The following POLR1G variants were observed in gnomAD, a reference collection of about 807,000 sequenced individuals.
POLR1G encodes the protein RNA polymerase I subunit G.
POLR1G carries 9 observed loss-of-function variants against 6.3 expected under a neutral mutation model. That is an observed-to-expected ratio of 1.44 (90% CI 0.87 to 2.51). The LOEUF (loss-of-function observed/expected upper bound fraction) is 2.51, where lower values mean the gene tolerates loss of function less well. Ranked by LOEUF, POLR1G falls within the 30% of genes most tolerant of loss-of-function variation. The pLI, the probability that POLR1G is intolerant of heterozygous loss-of-function variation, is 0.00. For synonymous variants in POLR1G, 248 were observed against 256.5 expected, an observed-to-expected ratio of 0.97 and a Z score of 0.32; for missense variants, 617 against 632.5, an observed-to-expected ratio of 0.98 and a Z score of 0.26.
chr19:45,409,108 G>C lies in POLR1G; in HGVS notation c.1140G>C (p.Leu380=). The C allele has an allele frequency of 6.2e-7, 1 of 1,613,170 alleles. No individual in the cohort carries two copies. Among genetic ancestry groups the C allele is most frequent in the Middle Eastern group, 1.7e-4 (1 of 6,056 alleles). ...CGAAGCCTCAGGCCCAGGCAGCTCT[G>C]GCAGCTCCCAAAAAGAAGACGAAGA... The part of the protein sequence containing the change: ...EGAKPQAQAA[L]AAPKKKTKKE... The change falls in exon 3 of 3, where the codon CTG becomes CTC. Residue 380 remains leucine, a synonymous_variant. Transcript: ENST00000309424.
At position 45,410,565 on chromosome 19, in the gene POLR1G, T is replaced by TGTGTGTGTGTGTGTGTGTGTG. The variant is rs1973661594; in HGVS notation, c.*1064_*1065insGTGTGTGTGTGTGTGTGTGTG. ...ATAGTATGTCTTATTCATTCTTTCT[T>TGTGTGTGTGTGTGTGTGTGTG]TGTGTGTGTGTGTGTGTGTGTGTGT... On this transcript the variant is annotated 3_prime_UTR_variant, in exon 3 of 3. Coordinates refer to ENST00000309424, the MANE Select transcript of POLR1G (RefSeq NM_012099.3). 10 of 140,722 alleles carry TGTGTGTGTGTGTGTGTGTGTG rather than the reference T, an allele frequency of 7.1e-5. No homozygotes were observed. Among genetic ancestry groups the TGTGTGTGTGTGTGTGTGTGTG allele is most frequent in the African/African-American group, 2.5e-4 (9 of 36,578 alleles). 8.7% of individuals were successfully genotyped at this position (140,722 alleles called of 1,614,324 possible).
rs367657846 is a variant in POLR1G at position 45,407,118 on chromosome 19, C to G, written c.47C>G (p.Pro16Arg). 2.5e-6 allele frequency: 4 copies of G among 1,603,446 alleles called. No homozygotes were observed. The highest frequency in any genetic ancestry group is 3.4e-6 in the Non-Finnish European group (4 of 1,177,422). ...AGDAARFSCPPNFTAKPPASE... is the reference protein window; with the variant it reads ...AGDAARFSCPRNFTAKPPASE... ...GATGCTGCTCGGTTCTCTTGTCCCC[C>G]CAACTTTACCGCGAAGCCCCCAGCC... The change falls in exon 2 of 3, where the codon CCC (proline) becomes CGC (arginine). Residue 16 changes from proline to arginine, a missense_variant. Physicochemically the swap from Pro to Arg is moderately radical, Grantham distance 103. Coordinates refer to ENST00000309424, the MANE Select transcript of POLR1G (RefSeq NM_012099.3).
rs1973541585 is a variant in POLR1G at position 45,409,308 on chromosome 19, G to A, written c.1340G>A (p.Gly447Glu). Reference sequence around the variant, plus strand: ...CAGCCACTAGAGCCTGAACTGCCAGGGGAGGGACAGCCTGAAGCCAGGGCA... The same window carrying A: ...CAGCCACTAGAGCCTGAACTGCCAGAGGAGGGACAGCCTGAAGCCAGGGCA... Reference protein sequence around the residue: ...PIQPLEPELPGEGQPEARATP... With the variant: ...PIQPLEPELPEEGQPEARATP... The change falls in exon 3 of 3, where the codon GGG becomes GAG. Residue 447 changes from glycine (G) to glutamate (E), a missense_variant. Coordinates refer to ENST00000309424, the MANE Select transcript of POLR1G (RefSeq NM_012099.3). The A allele has an allele frequency of 1.9e-6, 3 of 1,613,936 alleles. No individual in the cohort carries two copies. Among genetic ancestry groups the A allele is most frequent in the African/African-American group, 1.3e-5 (1 of 74,902 alleles).
rs200386912 is a variant in POLR1G, at chr19:45,409,892, A to ATTTTT, written c.*393_*394insTTTTT. ...ATCTTTTTAAGTTATTATTATTATT[A>ATTTTT]TTATTTTTTTTTTTTTTGAGATGGA... On this transcript the variant is annotated 3_prime_UTR_variant, in exon 3 of 3. Transcript: ENST00000309424. 4.9e-4 allele frequency: 101 copies of ATTTTT among 206,368 alleles called. 1 individual carries two copies. The highest frequency in any genetic ancestry group is 6.1e-4 in the Non-Finnish European group (76 of 123,852). 12.8% of individuals were successfully genotyped at this position (206,368 alleles called of 1,614,324 possible).
In POLR1G at chr19:45,409,506, C is replaced by T. The variant is rs2123436779; in HGVS notation, c.*5C>T. 6.3e-7 allele frequency: 1 copy of T among 1,599,870 alleles called. No homozygotes were observed. Among genetic ancestry groups the T allele is most frequent in the Non-Finnish European group, 8.5e-7 (1 of 1,174,054 alleles). On this transcript the variant is annotated 3_prime_UTR_variant, in exon 3 of 3. Coordinates refer to ENST00000309424, the MANE Select transcript of POLR1G (RefSeq NM_012099.3). Reference sequence around the variant, plus strand: ...CAGCAGCAGCAGCCTGTGTAGTCTGCCCCCGGGAAACTGAGGAACTAAAGA... The same window carrying T: ...CAGCAGCAGCAGCCTGTGTAGTCTGTCCCCGGGAAACTGAGGAACTAAAGA...
Position 45,409,503 on chromosome 19 carries a change from C to CT in POLR1G, c.*3dup. ...CAGCAGCAGCAGCAGCCTGTGTAGT[C>CT]TGCCCCCGGGAAACTGAGGAACTAA... is the stretch of plus-strand genomic sequence containing the variant. On this transcript the variant is annotated 3_prime_UTR_variant, in exon 3 of 3. Coordinates refer to ENST00000309424, the MANE Select transcript of POLR1G (RefSeq NM_012099.3). 1 of 1,602,616 alleles carries CT rather than the reference C, an allele frequency of 6.2e-7. No homozygotes were observed. The highest frequency in any genetic ancestry group is 8.5e-7 in the Non-Finnish European group (1 of 1,175,314).
rs955496226 is a variant in POLR1G, at chr19:45,410,502, CATTATT to C, written c.*1005_*1010del. 1.3e-5 allele frequency: 2 copies of C among 151,260 alleles called. No individual in the cohort carries two copies. Among genetic ancestry groups the C allele is most frequent in the Non-Finnish European group, 2.9e-5 (2 of 67,950 alleles). The allele number at this position is 151,260 out of a possible 1,614,324, so 9.4% of individuals were successfully genotyped here. Reference sequence around the variant, plus strand: ...CCTGCCAAGTTATTTTAAAATGTACCATTATTATTGACTATAGTCACCTGGTTGTGT... The same window carrying C: ...CCTGCCAAGTTATTTTAAAATGTACCATTGACTATAGTCACCTGGTTGTGT... On this transcript the variant is annotated 3_prime_UTR_variant, in exon 3 of 3. Coordinates refer to ENST00000309424, the MANE Select transcript of POLR1G (RefSeq NM_012099.3).
In POLR1G at chr19:45,410,605, T is replaced by C. The variant is rs1973674159; in HGVS notation, c.*1104T>C. ...TGTGTGTGTGTGTGTGTGGTACCCA[T>C]TAACCTTCCCCATCTCCCTGCCAGC... On this transcript the variant is annotated 3_prime_UTR_variant, in exon 3 of 3. Coordinates refer to ENST00000309424, the MANE Select transcript of POLR1G (RefSeq NM_012099.3). 1.3e-5 allele frequency: 1 copy of C among 78,304 alleles called. No individual in the cohort carries two copies. Among genetic ancestry groups the C allele is most frequent in the Non-Finnish European group, 2.4e-5 (1 of 42,310 alleles). 4.9% of individuals were successfully genotyped at this position (78,304 alleles called of 1,614,324 possible).
chr19:45,409,457 G>A lies in POLR1G; in HGVS notation c.1489G>A (p.Gly497Ser), dbSNP rs1568572013. 1 of 1,612,882 alleles carries A rather than the reference G, an allele frequency of 6.2e-7. No homozygotes were observed. The highest frequency in any genetic ancestry group is 2.2e-5 in the East Asian group (1 of 44,874). Reference sequence around the variant, plus strand: ...AGAGTCTGGGGAGGAGGCTCCCACAGGCCGGGACAAGAAGCGGAAGCAGCA... The same window carrying A: ...AGAGTCTGGGGAGGAGGCTCCCACAAGCCGGGACAAGAAGCGGAAGCAGCA... The part of the protein sequence containing the change: ...NSESGEEAPT[G>S]RDKKRKQQQQ... Residue 497 changes from glycine (G) to serine (S), a missense_variant, in exon 3 of 3, where the codon GGC becomes AGC. Gly to Ser is a moderately conservative substitution (Grantham distance 56). Coordinates refer to ENST00000309424, the MANE Select transcript of POLR1G (RefSeq NM_012099.3).
chr19:45,408,964 A>G lies in POLR1G; in HGVS notation c.996A>G (p.Lys332=), dbSNP rs1202246031. 6.2e-7 allele frequency: 1 copy of G among 1,613,936 alleles called. No individual in the cohort carries two copies. The change falls in exon 3 of 3, where the codon AAA becomes AAG. Residue 332 remains lysine (K), a synonymous_variant. Transcript: ENST00000309424. ...IPLPPTKKRK[K]EKGQMAMMEP... ...TGCCCCCTACGAAGAAGAGGAAAAAAGAAAAGGGACAGATGGCAATGATGG... is the reference window on the plus strand; with the variant it reads ...TGCCCCCTACGAAGAAGAGGAAAAAGGAAAAGGGACAGATGGCAATGATGG...
Position 45,409,511 on chromosome 19 carries a change from G to A in POLR1G, c.*10G>A, listed in dbSNP as rs1056830405. ...GCAGCAGCCTGTGTAGTCTGCCCCCGGGAAACTGAGGAACTAAAGAAAGCT... is the reference window on the plus strand; with the variant it reads ...GCAGCAGCCTGTGTAGTCTGCCCCCAGGAAACTGAGGAACTAAAGAAAGCT... On this transcript the variant is annotated 3_prime_UTR_variant, in exon 3 of 3. Transcript: ENST00000309424. The A allele has an allele frequency of 1.0e-5, 16 of 1,594,896 alleles. No individual in the cohort carries two copies. Among genetic ancestry groups the A allele is most frequent in the Admixed American group, 5.4e-5 (3 of 55,974 alleles).
chr19:45,409,686 T>G lies in POLR1G; in HGVS notation c.*185T>G. 9.3e-7 allele frequency: 1 copy of G among 1,070,568 alleles called. No individual in the cohort carries two copies. Among genetic ancestry groups the G allele is most frequent in the Non-Finnish European group, 1.5e-6 (1 of 683,998 alleles). The allele number at this position is 1,070,568 out of a possible 1,614,324, so 66.3% of individuals were successfully genotyped here. A position where few individuals can be genotyped will look rare whatever the true frequency, so the allele number is the denominator to read the frequency against. ...GGCAGCTGGGGTCATCAGGGTACTTTCAAGAAGGGCTCGTGCAGGACATCA... is the reference window on the plus strand; with the variant it reads ...GGCAGCTGGGGTCATCAGGGTACTTGCAAGAAGGGCTCGTGCAGGACATCA... On this transcript the variant is annotated 3_prime_UTR_variant, in exon 3 of 3. Transcript: ENST00000309424.
Position 45,409,752 on chromosome 19 carries a change from G to A in POLR1G, c.*251G>A. 1 of 780,766 alleles carries A rather than the reference G, an allele frequency of 1.3e-6. No individual in the cohort carries two copies. Among genetic ancestry groups the A allele is most frequent in the Non-Finnish European group, 2.4e-6 (1 of 423,144 alleles). The allele number at this position is 780,766 out of a possible 1,614,324, so 48.4% of individuals were successfully genotyped here. On this transcript the variant is annotated 3_prime_UTR_variant, in exon 3 of 3. Transcript: ENST00000309424. ...TGGATGGGAGGGAGAAAAAAATGAG[G>A]AACCAGTCATTAAAGGAGCTGTTTC...
At chr19:45,407,461 G>C in intron 2 of POLR1G, 1 of 518,536 alleles carries the variant, frequency 1.9e-6, no homozygotes, top group South Asian at 2.6e-5. Context: ...AGGAACTATA[G>C]TTAAACTTGG....
In POLR1G at chr19:45,409,599, C is replaced by T. The variant is rs2123437934; in HGVS notation, c.*98C>T. 6.3e-7 allele frequency: 1 copy of T among 1,576,934 alleles called. No individual in the cohort carries two copies. The highest frequency in any genetic ancestry group is 1.1e-5 in the South Asian group (1 of 87,398). On this transcript the variant is annotated 3_prime_UTR_variant, in exon 3 of 3. Coordinates refer to ENST00000309424, the MANE Select transcript of POLR1G (RefSeq NM_012099.3). ...CAGAATCCCTCCCCAGAGACTGCAC[C>T]AGCGCAGCCAGCAGGAGCCTGGCCT...
chr19:45,409,562 AG>A lies in POLR1G; in HGVS notation c.*63del. On this transcript the variant is annotated 3_prime_UTR_variant, in exon 3 of 3. Coordinates refer to ENST00000309424, the MANE Select transcript of POLR1G (RefSeq NM_012099.3). ...GAAGGTGCCCACCTGGGCCACCAGA[AG>A]GTGACACCCCCAGAATCCCTCCCCA... The A allele has an allele frequency of 6.4e-7, 1 of 1,573,374 alleles. No homozygotes were observed. The highest frequency in any genetic ancestry group is 1.2e-5 in the South Asian group (1 of 86,750).
chr19:45,406,816 C>A lies in POLR1G; in HGVS notation c.22+98C>A. The A allele has an allele frequency of 8.2e-7, 1 of 1,225,464 alleles. No individual in the cohort carries two copies. The highest frequency in any genetic ancestry group is 1.1e-6 in the Non-Finnish European group (1 of 901,078). The allele number at this position is 1,225,464 out of a possible 1,614,324, so 75.9% of individuals were successfully genotyped here. On this transcript the variant is annotated intron_variant, in intron 1 of 2. Coordinates refer to ENST00000309424, the MANE Select transcript of POLR1G (RefSeq NM_012099.3). The surrounding 1 kb of genome is among the most constrained non-coding windows in gnomAD (Gnocchi z 4.2). ...GCGGAAAAGGAGGCGTACCTGCAAG[C>A]AGGACTTGCGAAGAGCGTGCATTCC...
Position 45,408,422 on chromosome 19 carries a change from T to G in POLR1G, c.454T>G (p.Phe152Val), listed in dbSNP as rs760386647. 1.2e-5 allele frequency: 20 copies of G among 1,613,494 alleles called. No individual in the cohort carries two copies. The highest frequency in any genetic ancestry group is 2.7e-5 in the African/African-American group (2 of 74,906). Residue 152 changes from phenylalanine to valine, a missense_variant, in exon 3 of 3, where the codon TTT becomes GTT. By Grantham distance (50) the Phe-to-Val change is conservative. Transcript: ENST00000309424. The part of the protein sequence containing the change: ...PPGLRPRFCA[F>V]GGNPPVTGPR... ...TGGCCTGAGGCCTCGGTTCTGTGCC[T>G]TTGGGGGCAACCCACCAGTCACAGG... is the stretch of plus-strand genomic sequence containing the variant.
chr19:45,408,012 C>A, intron 2 of POLR1G, 121 bp from the exon 3 acceptor site: 1 of 1,303,912 alleles, frequency 7.7e-7, no homozygotes, highest in Non-Finnish European at 1.0e-6. Context: ...CGAGATCATG[C>A]CACTGCACTC....
Sources: allele counts gnomAD v4.1 joint callset, GRCh38; gene constraint gnomAD v4.1.1; non-coding constraint Gnocchi (gnomAD v3.1); transcripts MANE v1.5; gene names NCBI Gene and HGNC (gene_info 2026-07-23, HGNC 2026-07-21).